Variants in SUMF1 observed in about 807,000 individuals in gnomAD.
The protein encoded by SUMF1 is formylglycine-generating enzyme.
In SUMF1, 48 loss-of-function variants were observed where a neutral mutation model predicts 47.6. The observed-to-expected ratio is 1.01, with a 90% CI of 0.80 to 1.28. The LOEUF is 1.28. Ranked by LOEUF, SUMF1 falls within the 50% of genes most tolerant of loss-of-function variation. The probability of loss-of-function intolerance (pLI) is 0.00; values close to 1 mark genes in which losing one functional copy is unlikely to be tolerated. For synonymous variants in SUMF1, 230 were observed against 192.1 expected, an observed-to-expected ratio of 1.20 and a Z score of -1.63; for missense variants, 571 against 485.4, an observed-to-expected ratio of 1.18 and a Z score of -1.66.
chr3:4,246,252 C>T (rs1696667688), intron 8 of SUMF1, among the ~76,000 whole-genome samples: 1 of 152,140 alleles, frequency 6.6e-6, no homozygotes, highest in Non-Finnish European at 1.5e-5. Flanking sequence ...TCTGCTCACC[C>T]TCCGTGGGCT....
At chr3:4,357,576 CTTTTATTT>C (rs1487601179), downstream of SUMF1, among the ~76,000 whole-genome samples, 3 of 117,960 alleles carry the variant, frequency 2.5e-5, no homozygotes, top group African/African-American at 6.4e-5. Context: ...CCCCAACCAA[CTTTTATTT>C]ATTTATTTAT....
chr3:4,066,850 C>T lies in SUMF1; in HGVS notation c.1191+1719G>A, dbSNP rs114998872. Among the ~76,000 whole-genome samples, 916 of 152,282 alleles carry T rather than the reference C, an allele frequency of 6.0e-3. 6 individuals carry two copies. The highest frequency in any genetic ancestry group is 0.011 in the Admixed American group (170 of 15,294). On this transcript the variant is annotated intron_variant and NMD_transcript_variant, in intron 9 of 12. Coordinates refer to the SUMF1 transcript ENST00000448413. The stretch of plus-strand genomic sequence containing the variant: ...ATTTCCATAACAGTTCCTGTGGCTT[C>T]GCATACGAGCATAAGACCTAAGGTG...
chr3:4,165,198 C>T (rs1289057140), intron 8 of SUMF1, among the ~76,000 whole-genome samples: 1 of 152,154 alleles, frequency 6.6e-6, no homozygotes, highest in African/African-American at 2.4e-5. Flanking sequence ...CATTAAAGGC[C>T]ATGGTTTGAT....
At chr3:4,367,874 A>T (rs1369447325) in intron 8 of SUMF1, among the ~76,000 whole-genome samples, 6 of 151,878 alleles carry the variant, frequency 4.0e-5, no homozygotes, top group Non-Finnish European at 7.4e-5. Context: ...ACCTAAAGCC[A>T]TAAAAACTCT....
intron 8 of SUMF1, among the ~76,000 whole-genome samples, chr3:4,085,955 A>G (rs1257821966): frequency 2.6e-5 from 4 of 152,130 alleles, no homozygotes; most frequent in Admixed American, 6.6e-5. Flanking sequence ...TCTAGCATGA[A>G]AAGTGTATAA....
At chr3:4,204,744 G>A (rs922300364) in intron 8 of SUMF1, among the ~76,000 whole-genome samples, 1 of 151,450 alleles carries the variant, frequency 6.6e-6, no homozygotes, top group East Asian at 1.9e-4. Context: ...TCTTTCTTCC[G>A]CTTGATCCAT....
chr3:4,463,854 A>C (rs1333402110), intron 1 of SUMF1, among the ~76,000 whole-genome samples: 3 of 152,256 alleles, frequency 2.0e-5, no homozygotes, highest in Non-Finnish European at 2.9e-5. Context: ...ACCCACGCAG[A>C]AAACTATTAG....
rs571392837 is a variant in SUMF1 at position 4,112,884 on chromosome 3, G to T, written c.1015-44139C>A. On this transcript the variant is annotated intron_variant and NMD_transcript_variant, in intron 8 of 12. Coordinates refer to the SUMF1 transcript ENST00000448413. ...TTGCAAGCCCTCATGGTGCTAGCTAGCCCACAGAATCTGAATTGATCTTGT... is the reference window on the plus strand; with the variant it reads ...TTGCAAGCCCTCATGGTGCTAGCTATCCCACAGAATCTGAATTGATCTTGT... Among the ~76,000 whole-genome samples, 17 of 152,228 alleles carry T rather than the reference G, an allele frequency of 1.1e-4. No individual in the cohort carries two copies. In the East Asian group the frequency reaches 3.3e-3, roughly 29 times the overall value.
chr3:4,149,132 A>T (rs924674651), intron 8 of SUMF1, among the ~76,000 whole-genome samples: 1 of 152,056 alleles, frequency 6.6e-6, no homozygotes, highest in Non-Finnish European at 1.5e-5. Flanking sequence ...TCCTCACATG[A>T]GCGTTTTGCC....
At chr3:4,184,661 T>C (rs1335527382) in intron 8 of SUMF1, among the ~76,000 whole-genome samples, 2 of 151,742 alleles carry the variant, frequency 1.3e-5, no homozygotes, top group East Asian at 1.9e-4. Context: ...ATTTTTTTTT[T>C]TTTTTTTGAG....
intron 8 of SUMF1, among the ~76,000 whole-genome samples, chr3:4,174,499 T>A (rs1479685680): frequency 6.7e-6 from 1 of 149,438 alleles, no homozygotes; most frequent in Admixed American, 6.7e-5. Context: ...AGCTCAGGAG[T>A]TCAAAGCCAG....
chr3:4,243,716 G>A (rs1259171306), intron 8 of SUMF1, among the ~76,000 whole-genome samples: 1 of 152,120 alleles, frequency 6.6e-6, no homozygotes, highest in Non-Finnish European at 1.5e-5. Context: ...GTATGATGTG[G>A]TGCTGAGAAG....
intron 8 of SUMF1, among the ~76,000 whole-genome samples, chr3:4,234,551 T>C (rs1696368538): frequency 6.6e-6 from 1 of 152,148 alleles, no homozygotes; most frequent in African/African-American, 2.4e-5. Context: ...TATTCATATA[T>C]ATACAGAACT....
At chr3:4,374,301 T>G (rs1029251512) in intron 8 of SUMF1, among the ~76,000 whole-genome samples, 1 of 152,108 alleles carries the variant, frequency 6.6e-6, no homozygotes, top group Non-Finnish European at 1.5e-5. Flanking sequence ...TACAAAAACA[T>G]TACTAGAACT....
chr3:4,452,663 A>ATC (rs1202737384), intron 2 of SUMF1, among the ~76,000 whole-genome samples: 3 of 152,238 alleles, frequency 2.0e-5, no homozygotes, highest in Non-Finnish European at 4.4e-5. Flanking sequence ...TGTGGGGCAA[A>ATC]TAACTTTTCT....
intron 8 of SUMF1, among the ~76,000 whole-genome samples, chr3:4,143,988 CTTTTTTTTTTT>C (rs10598580): frequency 2.3e-5 from 2 of 85,652 alleles, no homozygotes; most frequent in African/African-American, 3.8e-5. Flanking sequence ...TCTTCTCTCT[CTTTTTTTTTTT>C]TTTTTTTTTT....
downstream of SUMF1, among the ~76,000 whole-genome samples, chr3:4,359,918 A>G (rs1207266410): frequency 6.6e-6 from 1 of 152,166 alleles, no homozygotes. Context: ...CTGGGATTAT[A>G]GGTATGAGCC....
intron 8 of SUMF1, among the ~76,000 whole-genome samples, chr3:4,155,503 C>T (rs1383587278): frequency 6.6e-6 from 1 of 151,440 alleles, no homozygotes; most frequent in Admixed American, 6.6e-5. Context: ...CTCCTTCCCT[C>T]CTGGCAGCAG....
At chr3:4,138,621 C>A (rs1228631441) in intron 8 of SUMF1, among the ~76,000 whole-genome samples, 1 of 152,094 alleles carries the variant, frequency 6.6e-6, no homozygotes, top group Non-Finnish European at 1.5e-5. Context: ...AGTATTGTCA[C>A]ACATCACAGC....
Sources: allele counts gnomAD v4.1 joint callset (sites outside exome capture counted in the v4.1 genomes callset), GRCh38; gene constraint gnomAD v4.1.1; transcripts MANE v1.5; gene names NCBI Gene and HGNC (gene_info 2026-07-23, HGNC 2026-07-21).